The following RIPPLY3 variants were observed in gnomAD, a reference collection of about 807,000 sequenced individuals.
RIPPLY3 encodes the protein ripply transcriptional repressor 3.
A neutral mutation model predicts 11.9 loss-of-function variants in RIPPLY3; 8 were observed. The observed-to-expected ratio is 0.67, with a 90% CI of 0.40 to 1.21. The LOEUF (loss-of-function observed/expected upper bound fraction) is 1.21. RIPPLY3 is among the 50% of genes most tolerant of loss of function. The pLI, the probability that RIPPLY3 is intolerant of heterozygous loss-of-function variation, is 0.01. For synonymous variants in RIPPLY3, 102 were observed against 99.0 expected, an observed-to-expected ratio of 1.03 and a Z score of -0.18; for missense variants, 271 against 246.0, an observed-to-expected ratio of 1.10 and a Z score of -0.68.
chr21:37,009,636 A>G (rs1183300964), intron 2 of RIPPLY3, among the ~76,000 whole-genome samples: 1 of 152,260 alleles, frequency 6.6e-6, no homozygotes, highest in African/African-American at 2.4e-5. Flanking sequence ...CTTTTAAATG[A>G]AATGGATGTG....
rs1000360103 is a variant in RIPPLY3, at chr21:37,018,287, C to T, written c.*80C>T. The T allele has an allele frequency of 2.2e-5, 27 of 1,221,458 alleles. No homozygotes were observed. The highest frequency in any genetic ancestry group is 8.9e-5 in the Admixed American group (5 of 56,248). The allele number at this position is 1,221,458 out of a possible 1,614,324, so 75.7% of individuals were successfully genotyped here. A position where few individuals can be genotyped will look rare whatever the true frequency, so the allele number is the denominator to read the frequency against. Reference sequence around the variant, plus strand: ...GGGACACCCGAGCCAGGACACTACGCATCCCTGCTGAGTGTGCAGAGGCTA... The same window carrying T: ...GGGACACCCGAGCCAGGACACTACGTATCCCTGCTGAGTGTGCAGAGGCTA... On this transcript the variant is annotated 3_prime_UTR_variant, in exon 4 of 4. Transcript: ENST00000329553.
chr21:37,007,570 G>A (rs925357061), intron 1 of RIPPLY3, among the ~76,000 whole-genome samples: 2 of 151,718 alleles, frequency 1.3e-5, no homozygotes, highest in African/African-American at 2.4e-5. Flanking sequence ...CACCACGCCC[G>A]GCTAATTTTT....
chr21:37,009,018 T>A (rs1328697102), intron 2 of RIPPLY3, among the ~76,000 whole-genome samples: 1 of 152,084 alleles, frequency 6.6e-6, no homozygotes, highest in East Asian at 1.9e-4. Flanking sequence ...TGAAGCACTT[T>A]CAGCCCCGTC....
At chr21:37,009,258 A>G (rs1386503788) in intron 2 of RIPPLY3, among the ~76,000 whole-genome samples, 1 of 150,926 alleles carries the variant, frequency 6.6e-6, no homozygotes, top group East Asian at 1.9e-4. Flanking sequence ...GATGACTCTT[A>G]AAACACTGAA....
chr21:37,012,292 C>T (rs1368108254), intron 2 of RIPPLY3, among the ~76,000 whole-genome samples: 1 of 151,346 alleles, frequency 6.6e-6, no homozygotes, highest in Non-Finnish European at 1.5e-5. Flanking sequence ...GGCTGGAGTG[C>T]AGTGGTGCAA....
At chr21:37,014,706 G>A (rs1360481068) in intron 3 of RIPPLY3, among the ~76,000 whole-genome samples, 2 of 152,208 alleles carry the variant, frequency 1.3e-5, no homozygotes, top group African/African-American at 4.8e-5. Flanking sequence ...TCAGAAGGAA[G>A]CTTCCCTTGT....
chr21:37,006,599 C>A (rs1036585760), upstream of RIPPLY3: 9 of 376,028 alleles, frequency 2.4e-5, no homozygotes, highest in Admixed American at 4.6e-5. The surrounding 1 kb of genome is among the most constrained non-coding windows in gnomAD (Gnocchi z 5.2). Context: ...CCTGCGGCCC[C>A]CTCCGCACCC....
chr21:37,014,374 G>T (rs558336282), intron 3 of RIPPLY3, among the ~76,000 whole-genome samples: 1 of 151,956 alleles, frequency 6.6e-6, no homozygotes, highest in Non-Finnish European at 1.5e-5. Flanking sequence ...AGTGGGTGCC[G>T]TGCACCTTTG....
intron 3 of RIPPLY3, among the ~76,000 whole-genome samples, chr21:37,014,924 C>T (rs1161219123): frequency 1.3e-5 from 2 of 152,180 alleles, no homozygotes; most frequent in East Asian, 3.9e-4. Flanking sequence ...GACAAGGTCT[C>T]ACTATATTGC....
Position 37,012,204 on chromosome 21 carries a change from G to A in RIPPLY3, c.172-1347G>A, listed in dbSNP as rs967127252. ...TGATGCACTGCCCCAGACCATTTCCGCTCCTTATTTATTATTATTATTATT... is the reference window on the plus strand; with the variant it reads ...TGATGCACTGCCCCAGACCATTTCCACTCCTTATTTATTATTATTATTATT... On this transcript the variant is annotated intron_variant, in intron 2 of 3. Coordinates refer to ENST00000329553, the MANE Select transcript of RIPPLY3 (RefSeq NM_018962.3). Among the ~76,000 whole-genome samples, 34 of 122,636 alleles carry A rather than the reference G, an allele frequency of 2.8e-4. No homozygotes were observed. The South Asian group carries it at 4.3e-3, about 16-fold the overall frequency. 80.5% of individuals were successfully genotyped at this position (122,636 alleles called of 152,430 possible). A position where few individuals can be genotyped will look rare whatever the true frequency, so the allele number is the denominator to read the frequency against.
At position 37,018,274 on chromosome 21, in the gene RIPPLY3, C is replaced by A. The variant is rs1484668749; in HGVS notation, c.*67C>A. ...TCACGTTCTCTTGGGGACACCCGAG[C>A]CAGGACACTACGCATCCCTGCTGAG... On this transcript the variant is annotated 3_prime_UTR_variant, in exon 4 of 4. Coordinates refer to ENST00000329553, the MANE Select transcript of RIPPLY3 (RefSeq NM_018962.3). 2 of 1,360,242 alleles carry A rather than the reference C, an allele frequency of 1.5e-6. No individual in the cohort carries two copies. Among genetic ancestry groups the A allele is most frequent in the Admixed American group, 1.7e-5 (1 of 58,182 alleles). 84.3% of individuals were successfully genotyped at this position (1,360,242 alleles called of 1,614,324 possible). A position where few individuals can be genotyped will look rare whatever the true frequency, so the allele number is the denominator to read the frequency against.
chr21:37,006,427 TC>T, upstream of RIPPLY3: 1 of 204,688 alleles, frequency 4.9e-6, no homozygotes, highest in Non-Finnish European at 9.7e-6. This position sits in a 1 kb window ranked among gnomAD's most constrained non-coding sequence, Gnocchi z 5.2. Flanking sequence ...CTTTTCTTTG[TC>T]CCGTCCCCAC....
rs749377840 is a variant in RIPPLY3, at chr21:37,018,075, C to A, written c.441C>A (p.Gly147=). 2 of 1,614,024 alleles carry A rather than the reference C, an allele frequency of 1.2e-6. No homozygotes were observed. Among genetic ancestry groups the A allele is most frequent in the South Asian group, 2.2e-5 (2 of 91,082 alleles). The change falls in exon 4 of 4, where the codon GGC becomes GGA. Residue 147 remains glycine (G), a synonymous_variant. Coordinates refer to ENST00000329553, the MANE Select transcript of RIPPLY3 (RefSeq NM_018962.3). ...PQEVGGRQEN[G]PGGKGRDQGI... ...AGGTGGGAGGTCGGCAGGAAAATGG[C>A]CCAGGGGGAAAGGGCAGAGACCAGG...
intron 3 of RIPPLY3, 87 bp from the exon 4 acceptor site, chr21:37,017,787 C>G: frequency 9.3e-7 from 1 of 1,070,104 alleles, no homozygotes; most frequent in Non-Finnish European, 1.3e-6. Flanking sequence ...CTGGGGAGTT[C>G]TCTGCTTCTG....
chr21:37,007,866 A>G (rs1015241639), intron 1 of RIPPLY3, among the ~76,000 whole-genome samples: 3 of 152,218 alleles, frequency 2.0e-5, no homozygotes, highest in African/African-American at 7.2e-5. Context: ...TTCAGCCAGG[A>G]TTTGCAGGGA....
rs1023632849 is a variant in RIPPLY3, at chr21:37,010,284, G to A, written c.171+2061G>A. Among the ~76,000 whole-genome samples, 4 of 152,202 alleles carry A rather than the reference G, an allele frequency of 2.6e-5. No homozygotes were observed. In the East Asian group the frequency reaches 5.8e-4, roughly 22 times the overall value. ...AGGCGGTCGGATCATCTGAGGTCAG[G>A]AGTTCGAGACTGACCTCACGAACAT... On this transcript the variant is annotated intron_variant, in intron 2 of 3. Coordinates refer to ENST00000329553, the MANE Select transcript of RIPPLY3 (RefSeq NM_018962.3).
Position 37,008,150 on chromosome 21 carries a change from G to A in RIPPLY3, c.105-7G>A. 4.3e-6 allele frequency: 7 copies of A among 1,614,074 alleles called. No individual in the cohort carries two copies. The highest frequency in any genetic ancestry group is 1.3e-5 in the African/African-American group (1 of 75,048). On this transcript the variant is annotated splice_polypyrimidine_tract_variant and splice_region_variant and intron_variant, in intron 1 of 3. Coordinates refer to ENST00000329553, the MANE Select transcript of RIPPLY3 (RefSeq NM_018962.3). ...GGTTCACTCTCTCCTGGCGCTTGCC[G>A]TTCCAGCCCCGCGCCGTGGCGACCT...
rs2146772139 is a variant in RIPPLY3, at chr21:37,008,137, C to T, written c.105-20C>T. On this transcript the variant is annotated intron_variant, in intron 1 of 3. Coordinates refer to ENST00000329553, the MANE Select transcript of RIPPLY3 (RefSeq NM_018962.3). Reference sequence around the variant, plus strand: ...CAGAAGTGCCCAGGGTTCACTCTCTCCTGGCGCTTGCCGTTCCAGCCCCGC... The same window carrying T: ...CAGAAGTGCCCAGGGTTCACTCTCTTCTGGCGCTTGCCGTTCCAGCCCCGC... 1 of 1,613,948 alleles carries T rather than the reference C, an allele frequency of 6.2e-7. No homozygotes were observed. The highest frequency in any genetic ancestry group is 1.1e-5 in the South Asian group (1 of 91,064).
At chr21:37,013,755 C>G in intron 3 of RIPPLY3, 137 bp downstream of exon 3, 1 of 593,760 alleles carries the variant, frequency 1.7e-6, no homozygotes, top group Non-Finnish European at 2.9e-6. Context: ...TGTTTAGTTT[C>G]CTTATACCAA....
Sources: gnomAD v4.1 joint callset for allele counts (sites outside exome capture counted in the v4.1 genomes callset) on GRCh38, gnomAD v4.1.1 for gene constraint, Gnocchi (gnomAD v3.1) non-coding constraint, MANE v1.5 for transcripts, NCBI Gene and HGNC (gene_info 2026-07-23, HGNC 2026-07-21) for gene names.